TNRC6C: variants seen among roughly 807,000 people sequenced by gnomAD.
The protein encoded by TNRC6C is trinucleotide repeat containing adaptor 6C.
A neutral mutation model predicts 153.7 loss-of-function variants in TNRC6C; 20 were observed. The observed-to-expected ratio is 0.13, with a 90% CI of 0.09 to 0.19. The LOEUF is 0.19. Ranked by LOEUF, TNRC6C falls within the 10% of genes least tolerant of loss-of-function variation. The pLI is 1.00. For missense variants in TNRC6C, 1,987 were observed against 2,172.0 expected (o/e 0.91, Z 1.69); for synonymous variants, 811 against 841.4 (o/e 0.96, Z 0.63).
chr17:78,095,908 G>A (rs2073477591), intron 16 of TNRC6C, among the ~76,000 whole-genome samples: 1 of 152,176 alleles, frequency 6.6e-6, no homozygotes, highest in African/African-American at 2.4e-5. Flanking sequence ...AAAATTAGCT[G>A]CGTGTGGTGG....
chr17:78,087,989 A>G (rs948803702), intron 13 of TNRC6C, among the ~76,000 whole-genome samples: 2 of 152,242 alleles, frequency 1.3e-5, no homozygotes, highest in Non-Finnish European at 2.9e-5. Context: ...GTTGATTGCT[A>G]TTAGAGTCTG....
chr17:78,027,955 G>A (rs1203126452), intron 1 of TNRC6C, among the ~76,000 whole-genome samples: 1 of 150,732 alleles, frequency 6.6e-6, no homozygotes, highest in Non-Finnish European at 1.5e-5. Flanking sequence ...GAGTGCAGTG[G>A]TGCGATCTCC....
upstream of TNRC6C, among the ~76,000 whole-genome samples, chr17:77,958,494 C>T (rs900833637): frequency 6.6e-6 from 1 of 152,032 alleles, no homozygotes; most frequent in African/African-American, 2.4e-5. Context: ...GAGGCGTGGC[C>T]TGGCCGAGGA....
chr17:78,049,535 A>T lies in TNRC6C; in HGVS notation c.473A>T (p.Glu158Val). ...GCTTGGGGAAACTTGCTGCCACAAG[A>T]GAGCACAGAACCACAAACGTCCACT... The change falls in exon 3 of 20, where the codon GAG (glutamate) becomes GTG (valine). Residue 158 changes from glutamate to valine, a missense_variant. Physicochemically the swap from Glu to Val is moderately radical, Grantham distance 121. Around this residue, in one of 4 missense-constraint regions of TNRC6C, gnomAD observed 1,052 missense variants for 1,017.0 expected, o/e 1.03. Coordinates refer to ENST00000301624, the Ensembl canonical transcript of TNRC6C. This position sits in a 1 kb window ranked among gnomAD's most constrained non-coding sequence, Gnocchi z 4.1. 1 of 1,614,040 alleles carries T rather than the reference A, an allele frequency of 6.2e-7. No homozygotes were observed. Among genetic ancestry groups the T allele is most frequent in the Non-Finnish European group, 8.5e-7 (1 of 1,179,898 alleles).
intron 2 of TNRC6C, among the ~76,000 whole-genome samples, chr17:78,043,794 A>T (rs986991898): frequency 6.6e-6 from 1 of 151,958 alleles, no homozygotes; most frequent in Non-Finnish European, 1.5e-5. Flanking sequence ...TTTAACTCCC[A>T]CAAATAAGTG....
chr17:78,073,093 G>C lies in TNRC6C; in HGVS notation c.2916G>C (p.Met972Ile). 1 of 1,555,062 alleles carries C rather than the reference G, an allele frequency of 6.4e-7. No individual in the cohort carries two copies. The highest frequency in any genetic ancestry group is 2.4e-5 in the East Asian group (1 of 41,534). ...ACAATATGAATCTTGATCAGGCCAT[G>C]AGTAAGTCATACAACATCCTTTTTA... Residue 972 changes from methionine to isoleucine, a missense_variant and splice_region_variant, in exon 7 of 20, where the codon ATG becomes ATC. This residue lies in a region of TNRC6C where 765 missense variants were observed against 908.6 expected (regional missense o/e 0.84). Transcript: ENST00000301624.
chr17:77,976,556 T>C (rs1203534905), intron 1 of TNRC6C, among the ~76,000 whole-genome samples: 1 of 152,212 alleles, frequency 6.6e-6, no homozygotes, highest in Admixed American at 6.5e-5. Flanking sequence ...TCTTCATCGC[T>C]GAAGTCAGCT....
At chr17:78,055,251 G>C (rs2072630291) in intron 3 of TNRC6C, among the ~76,000 whole-genome samples, 1 of 151,830 alleles carries the variant, frequency 6.6e-6, no homozygotes. Context: ...TGATAACTAA[G>C]ACACAAACGC....
chr17:78,098,152 G>A (rs1358365370), intron 16 of TNRC6C, among the ~76,000 whole-genome samples, 191 bp from the exon 20 acceptor site: 1 of 152,232 alleles, frequency 6.6e-6, no homozygotes, highest in African/African-American at 2.4e-5. Context: ...GCAAGGTTTT[G>A]AAAACTTAGA....
At chr17:78,034,766 C>T (rs1351661196) in intron 2 of TNRC6C, among the ~76,000 whole-genome samples, 1 of 152,022 alleles carries the variant, frequency 6.6e-6, no homozygotes, top group Non-Finnish European at 1.5e-5. Flanking sequence ...CTCAGGAGTT[C>T]GAGGCCAGCC....
chr17:78,102,374 G>C (rs1374219707), intron 17 of TNRC6C, 100 bp from the exon 21 acceptor site: 1 of 1,105,786 alleles, frequency 9.0e-7, no homozygotes, highest in South Asian at 1.5e-5. Flanking sequence ...CGCAGTGACG[G>C]CCTGTGCTGT....
At chr17:78,085,309 A>G (rs984728828) in intron 11 of TNRC6C, among the ~76,000 whole-genome samples, 1 of 152,216 alleles carries the variant, frequency 6.6e-6, no homozygotes, top group Admixed American at 6.5e-5. Context: ...TTTTAAAACA[A>G]TGTATTCTGT....
At chr17:77,976,102 A>G (rs1226619911) in intron 1 of TNRC6C, among the ~76,000 whole-genome samples, 3 of 152,248 alleles carry the variant, frequency 2.0e-5, no homozygotes, top group Non-Finnish European at 4.4e-5. Context: ...TGTAAGAATT[A>G]AATGAGATAG....
intron 8 of TNRC6C, among the ~76,000 whole-genome samples, chr17:78,076,686 C>A (rs1280754465): frequency 2.6e-5 from 4 of 152,098 alleles, no homozygotes; most frequent in Admixed American, 6.6e-5. Context: ...CACAGCATGA[C>A]CTCAGTAGAT....
At chr17:77,979,105 AAT>A (rs2071039451) in intron 1 of TNRC6C, among the ~76,000 whole-genome samples, 1 of 152,222 alleles carries the variant, frequency 6.6e-6, no homozygotes, top group African/African-American at 2.4e-5. Context: ...AATGTTGATA[AAT>A]ATGTTTAGTA....
chr17:78,091,448 A>C (rs2073392071), exon 14 of TNRC6C: 1 of 1,593,526 alleles, frequency 6.3e-7, no homozygotes, highest in Non-Finnish European at 8.5e-7. Flanking sequence ...AGCTGGACTG[A>C]ACCCAAACAT....
At chr17:77,959,686 C>T (rs922782165) in intron 1 of TNRC6C, among the ~76,000 whole-genome samples, 1 of 152,110 alleles carries the variant, frequency 6.6e-6, no homozygotes, top group Non-Finnish European at 1.5e-5. Context: ...AGAGAAAAAC[C>T]CGGGGCGTGC....
rs1479897650 is a variant in TNRC6C at position 78,071,069 on chromosome 17, C to T, written c.2779-16C>T. ...TGTAGCTCATGGACTTCCCCCTTTC[C>T]CACACTTTGTTCAAGGGCATGAAGA... On this transcript the variant is annotated splice_polypyrimidine_tract_variant and intron_variant, in intron 5 of 19. Coordinates refer to ENST00000301624, the Ensembl canonical transcript of TNRC6C. 1 of 1,591,128 alleles carries T rather than the reference C, an allele frequency of 6.3e-7. No individual in the cohort carries two copies. Among genetic ancestry groups the T allele is most frequent in the Admixed American group, 1.8e-5 (1 of 56,480 alleles).
chr17:78,029,253 T>TA (rs1567923377), intron 1 of TNRC6C, among the ~76,000 whole-genome samples: 1 of 152,160 alleles, frequency 6.6e-6, no homozygotes, highest in Non-Finnish European at 1.5e-5. Flanking sequence ...GACAGAGAGA[T>TA]ACGTTCTGAA....
Sources: gnomAD v4.1 joint callset for allele counts (sites outside exome capture counted in the v4.1 genomes callset) on GRCh38, gnomAD v4.1.1 for gene constraint, gnomAD v4.1.1 regional missense constraint, Gnocchi (gnomAD v3.1) non-coding constraint, MANE v1.5 for transcripts, NCBI Gene and HGNC (gene_info 2026-07-23, HGNC 2026-07-21) for gene names.